GYS2: variants seen among roughly 807,000 people sequenced by gnomAD.
The protein encoded by GYS2 is glycogen [starch] synthase, liver.
In GYS2, 80 loss-of-function variants were observed where a neutral mutation model predicts 85.6. That is an observed-to-expected ratio of 0.93 (90% CI 0.78 to 1.13). The LOEUF is 1.13. GYS2 is among the 50% of genes most tolerant of loss of function. The pLI is 0.00. For missense variants in GYS2, 881 were observed against 854.9 expected (o/e 1.03, Z -0.38); for synonymous variants, 328 against 300.7 (o/e 1.09, Z -0.94).
rs780507987 is a variant in GYS2, at chr12:21,576,076, A to G, written c.304-19T>C. The G allele has an allele frequency of 6.3e-6, 10 of 1,594,662 alleles. No individual in the cohort carries two copies. The East Asian group carries it at 2.0e-4, about 32-fold the overall frequency. On this transcript the variant is annotated intron_variant, in intron 2 of 15. Transcript: ENST00000261195. ...AATGCACCTGTCATATAAAGAACACAGCCATGTAGTGATATTAAGTCATGC... is the reference window on the plus strand; with the variant it reads ...AATGCACCTGTCATATAAAGAACACGGCCATGTAGTGATATTAAGTCATGC...
chr12:21,565,719 G>GA (rs928185286), intron 5 of GYS2, among the ~76,000 whole-genome samples: 1 of 151,364 alleles, frequency 6.6e-6, no homozygotes, highest in Admixed American at 6.6e-5. Context: ...TATTGACCTT[G>GA]AAAAATCTCC....
rs572161984 is a variant in GYS2 at position 21,581,804 on chromosome 12, C to T, written c.122-1281G>A. On this transcript the variant is annotated intron_variant, in intron 1 of 15. Coordinates refer to ENST00000261195, the MANE Select transcript of GYS2 (RefSeq NM_021957.4). ...TATGATGGCAAAAAATTAGAAACAA[C>T]TTACACTGAACTAGTCAACTTACTT... Among the ~76,000 whole-genome samples, 5 of 152,298 alleles carry T rather than the reference C, an allele frequency of 3.3e-5. No individual in the cohort carries two copies. The East Asian group carries it at 9.6e-4, about 29-fold the overall frequency.
At chr12:21,602,278 G>A (rs1294960306) in intron 1 of GYS2, among the ~76,000 whole-genome samples, 1 of 152,010 alleles carries the variant, frequency 6.6e-6, no homozygotes, top group Non-Finnish European at 1.5e-5. Flanking sequence ...GTAAAAAAGT[G>A]AATTGGCCTT....
chr12:21,543,557 G>A (rs1160586608), intron 12 of GYS2, among the ~76,000 whole-genome samples: 1 of 151,152 alleles, frequency 6.6e-6, no homozygotes, highest in Non-Finnish European at 1.5e-5. Flanking sequence ...GGAGTTGGGA[G>A]TTGGAGAGTA....
chr12:21,596,314 T>C (rs949444822), intron 1 of GYS2, among the ~76,000 whole-genome samples: 3 of 151,870 alleles, frequency 2.0e-5, no homozygotes, highest in African/African-American at 7.3e-5. Context: ...AACTACAGAC[T>C]GATAGCCTTG....
At chr12:21,560,307 C>T (rs879482282) in intron 8 of GYS2, 79 bp downstream of exon 8, 60 of 822,764 alleles carry the variant, frequency 7.3e-5, no homozygotes, top group African/African-American at 2.3e-4. Flanking sequence ...AAGTTCAAGG[C>T]GATACATGAG....
rs1943928953 is a variant in GYS2 at position 21,537,914 on chromosome 12, G to A, written c.1891-739C>T. On this transcript the variant is annotated intron_variant, in intron 15 of 15. Coordinates refer to ENST00000261195, the MANE Select transcript of GYS2 (RefSeq NM_021957.4). The stretch of plus-strand genomic sequence containing the variant: ...GAGACAGATGTGTAAAAGTGTTATA[G>A]CGCTCGTCACTCTGTATTTCAATTA... 2.0e-5 allele frequency among the ~76,000 whole-genome samples: 3 copies of A among 152,134 alleles called. No homozygotes were observed. The South Asian group carries it at 6.2e-4, about 32-fold the overall frequency.
At chr12:21,600,649 C>G (rs1944745937) in intron 1 of GYS2, among the ~76,000 whole-genome samples, 2 of 152,068 alleles carry the variant, frequency 1.3e-5, no homozygotes, top group Admixed American at 6.6e-5. Context: ...CAGGGGCCTT[C>G]AGGAAGCTGA....
chr12:21,603,862 C>G (rs187654494), intron 1 of GYS2, among the ~76,000 whole-genome samples: 1 of 152,112 alleles, frequency 6.6e-6, no homozygotes, highest in Non-Finnish European at 1.5e-5. Context: ...TGAGGTTATA[C>G]CTCACTCGCA....
intron 1 of GYS2, among the ~76,000 whole-genome samples, chr12:21,586,813 C>A (rs1210308465): frequency 6.6e-6 from 1 of 152,062 alleles, no homozygotes; most frequent in Non-Finnish European, 1.5e-5. Context: ...TCCTGCAATC[C>A]CACTACTGGG....
intron 11 of GYS2, among the ~76,000 whole-genome samples, chr12:21,546,685 C>T (rs1340363659): frequency 1.3e-5 from 2 of 152,172 alleles, no homozygotes; most frequent in African/African-American, 4.8e-5. Context: ...GCATATTTAA[C>T]TTTCCCTCAG....
At chr12:21,586,441 A>ATCTG (rs1330077704) in intron 1 of GYS2, among the ~76,000 whole-genome samples, 1 of 151,478 alleles carries the variant, frequency 6.6e-6, no homozygotes, top group East Asian at 1.9e-4. Context: ...CTATCTATCT[A>ATCTG]TCTATCTATC....
chr12:21,566,225 C>T (rs569122129), intron 5 of GYS2, among the ~76,000 whole-genome samples: 1 of 152,244 alleles, frequency 6.6e-6, no homozygotes, highest in East Asian at 1.9e-4. Flanking sequence ...TTTCACCCAG[C>T]CAATTTTCCT....
chr12:21,582,135 A>G lies in GYS2; in HGVS notation c.122-1612T>C, dbSNP rs544717815. 3.3e-5 allele frequency among the ~76,000 whole-genome samples: 5 copies of G among 152,328 alleles called. 1 individual carries two copies. Among genetic ancestry groups the G allele is most frequent in the African/African-American group, 9.6e-5 (4 of 41,584 alleles). Reference sequence around the variant, plus strand: ...GGCTAATATACAGAATCTACAAGGAACTCAACAACAAAAAAACCAACCTCA... The same window carrying G: ...GGCTAATATACAGAATCTACAAGGAGCTCAACAACAAAAAAACCAACCTCA... On this transcript the variant is annotated intron_variant, in intron 1 of 15. Transcript: ENST00000261195.
At chr12:21,553,002 A>T (rs1168229991) in intron 11 of GYS2, among the ~76,000 whole-genome samples, 1 of 152,224 alleles carries the variant, frequency 6.6e-6, no homozygotes. Context: ...AAAAGAAGCT[A>T]ATACTTATTA....
intron 1 of GYS2, among the ~76,000 whole-genome samples, chr12:21,587,686 C>T (rs150310493): frequency 7.2e-4 from 109 of 151,782 alleles, no homozygotes; most frequent in African/African-American, 2.3e-3. Context: ...AGCATGATAA[C>T]GAACTAGTAC....
At chr12:21,588,407 C>G (rs900669193) in intron 1 of GYS2, among the ~76,000 whole-genome samples, 2 of 152,048 alleles carry the variant, frequency 1.3e-5, no homozygotes, top group Non-Finnish European at 2.9e-5. Flanking sequence ...GGAAAATTGC[C>G]CTTTGAAAGG....
intron 3 of GYS2, among the ~76,000 whole-genome samples, chr12:21,574,851 T>A (rs973648642): frequency 6.6e-6 from 1 of 151,822 alleles, no homozygotes; most frequent in Non-Finnish European, 1.5e-5. Flanking sequence ...ATATTTGTAG[T>A]GTCCCAATTA....
chr12:21,566,166 T>A (rs1472980599), intron 5 of GYS2, among the ~76,000 whole-genome samples: 1 of 152,132 alleles, frequency 6.6e-6, no homozygotes, highest in African/African-American at 2.4e-5. Flanking sequence ...CTTTTGCCAA[T>A]TATTATTATA....
Sources: gnomAD v4.1 joint callset for allele counts (sites outside exome capture counted in the v4.1 genomes callset) on GRCh38, gnomAD v4.1.1 for gene constraint, MANE v1.5 for transcripts, NCBI Gene and HGNC (gene_info 2026-07-23, HGNC 2026-07-21) for gene names.